Variants in KHDRBS2 observed in about 807,000 individuals in gnomAD.
KHDRBS2 encodes KH domain-containing, RNA-binding, signal transduction-associated protein 2.
In KHDRBS2, 26 loss-of-function variants were observed where a neutral mutation model predicts 44.3. The observed-to-expected ratio is 0.59, with a 90% CI of 0.43 to 0.81. KHDRBS2 has a LOEUF of 0.81. Ranked by LOEUF, KHDRBS2 falls within the 40% of genes least tolerant of loss-of-function variation. The pLI, the probability that KHDRBS2 is intolerant of heterozygous loss-of-function variation, is 0.00. For synonymous variants in KHDRBS2, 194 were observed against 151.1 expected (o/e 1.28, Z -2.08); for missense variants, 476 against 433.1 (o/e 1.10, Z -0.88).
At chr6:62,181,833 C>T (rs1222095555) in intron 1 of KHDRBS2, among the ~76,000 whole-genome samples, 11 of 151,758 alleles carry the variant, frequency 7.2e-5, no homozygotes, top group Non-Finnish European at 1.5e-4. Flanking sequence ...AGGGAGAGCC[C>T]CCAACACAAC....
intron 2 of KHDRBS2, among the ~76,000 whole-genome samples, chr6:62,160,087 A>G (rs1424852978): frequency 1.3e-5 from 2 of 152,184 alleles, no homozygotes; most frequent in Admixed American, 6.6e-5. Flanking sequence ...ATACACGAGT[A>G]ATCAAGAAAG....
intron 2 of KHDRBS2, among the ~76,000 whole-genome samples, chr6:62,066,281 T>C (rs901565312): frequency 6.6e-6 from 1 of 151,730 alleles, no homozygotes; most frequent in African/African-American, 2.4e-5. Flanking sequence ...AAATCATCTG[T>C]AGAGGTACCT....
chr6:61,967,262 TAAAAC>T (rs532384329), intron 4 of KHDRBS2, among the ~76,000 whole-genome samples: 33 of 134,708 alleles, frequency 2.4e-4, no homozygotes, highest in Admixed American at 1.5e-3. Flanking sequence ...TTAAAAGAAA[TAAAAC>T]AAAGTAAAAA....
chr6:62,164,528 G>A (rs886372120), intron 2 of KHDRBS2, among the ~76,000 whole-genome samples: 6 of 151,646 alleles, frequency 4.0e-5, no homozygotes, highest in Non-Finnish European at 8.9e-5. Flanking sequence ...GCAATAAAAA[G>A]GGAACCCCCT....
chr6:61,783,494 G>A (rs1352808103), intron 6 of KHDRBS2, among the ~76,000 whole-genome samples: 1 of 151,906 alleles, frequency 6.6e-6, no homozygotes, highest in Non-Finnish European at 1.5e-5. Flanking sequence ...ATTTACTGAA[G>A]AAAGAAAATA....
At chr6:61,786,121 T>G (rs1034310302) in intron 6 of KHDRBS2, among the ~76,000 whole-genome samples, 2 of 152,178 alleles carry the variant, frequency 1.3e-5, no homozygotes, top group South Asian at 4.1e-4. Context: ...GTTTGAAAAG[T>G]GTAAACAATG....
At chr6:61,575,353 A>G in the KHDRBS2 span, among the ~76,000 whole-genome samples, 1 of 152,238 alleles carries the variant, frequency 6.6e-6, no homozygotes, top group Non-Finnish European at 1.5e-5. Context: ...GCCAAGAAAC[A>G]TATGAAAAAA....
rs181487569 is a variant in KHDRBS2, at chr6:61,965,135, A to G, written c.483+12931T>C. Reference sequence around the variant, plus strand: ...GTAAAAATTAAAAGGGAAATGCTAAATTCCAGTGACAAGAGTCCAGAGAGT... The same window carrying G: ...GTAAAAATTAAAAGGGAAATGCTAAGTTCCAGTGACAAGAGTCCAGAGAGT... On this transcript the variant is annotated intron_variant, in intron 4 of 8. Coordinates refer to ENST00000281156, the MANE Select transcript of KHDRBS2 (RefSeq NM_152688.4). Among the ~76,000 whole-genome samples the G allele has an allele frequency of 2.2e-3, 339 of 152,158 alleles. 1 individual carries two copies. Among genetic ancestry groups the G allele is most frequent in the African/African-American group, 7.9e-3 (330 of 41,544 alleles).
chr6:61,684,451 T>C lies in KHDRBS2; in HGVS notation c.953-3391A>G, dbSNP rs545206864. ...AGTTGTAAAGACCCACGAATGAACT[T>C]AGAATTTATCTGTCCTCTTGGGTCT... On this transcript the variant is annotated intron_variant, in intron 8 of 8. Transcript: ENST00000281156. 3.3e-5 allele frequency among the ~76,000 whole-genome samples: 5 copies of C among 151,948 alleles called. No individual in the cohort carries two copies. In the South Asian group the frequency reaches 1.0e-3, roughly 31 times the overall value.
chr6:61,754,201 T>G (rs1294364461), intron 6 of KHDRBS2, among the ~76,000 whole-genome samples: 5 of 151,948 alleles, frequency 3.3e-5, no homozygotes, highest in Non-Finnish European at 7.4e-5. Flanking sequence ...ACAGCTGGAG[T>G]TCTCGGCAAG....
chr6:62,128,423 G>A (rs145993227), intron 2 of KHDRBS2, among the ~76,000 whole-genome samples: 3 of 151,990 alleles, frequency 2.0e-5, no homozygotes, highest in Non-Finnish European at 4.4e-5. Flanking sequence ...CATCATGTAA[G>A]CTTTTTCTCT....
At chr6:61,916,692 A>G (rs1807067599) in intron 4 of KHDRBS2, among the ~76,000 whole-genome samples, 1 of 151,934 alleles carries the variant, frequency 6.6e-6, no homozygotes, top group Non-Finnish European at 1.5e-5. Flanking sequence ...CAACAAGAAG[A>G]AAACAAACAA....
At chr6:61,888,788 C>T (rs1466890864) in intron 6 of KHDRBS2, among the ~76,000 whole-genome samples, 1 of 151,962 alleles carries the variant, frequency 6.6e-6, no homozygotes, top group Non-Finnish European at 1.5e-5. Flanking sequence ...GTCTCAATCT[C>T]CTGACTTCGT....
At chr6:62,024,464 A>G (rs1370239833) in intron 3 of KHDRBS2, among the ~76,000 whole-genome samples, 6 of 151,578 alleles carry the variant, frequency 4.0e-5, no homozygotes, top group South Asian at 4.1e-4. Flanking sequence ...TGAAAACCAT[A>G]AATTACTAAA....
intron 6 of KHDRBS2, among the ~76,000 whole-genome samples, chr6:61,845,460 C>T (rs542813017): frequency 3.3e-5 from 5 of 152,128 alleles, no homozygotes; most frequent in Admixed American, 1.3e-4. Context: ...CAGGTGCATG[C>T]CACTACGCCC....
chr6:62,085,814 C>A (rs1260436955), intron 2 of KHDRBS2, among the ~76,000 whole-genome samples: 1 of 151,924 alleles, frequency 6.6e-6, no homozygotes, highest in Admixed American at 6.6e-5. Flanking sequence ...GTTGAAAATT[C>A]ATGAAAAAGG....
chr6:61,935,094 C>A (rs1423091339), intron 4 of KHDRBS2, among the ~76,000 whole-genome samples: 1 of 152,068 alleles, frequency 6.6e-6, no homozygotes, highest in Non-Finnish European at 1.5e-5. Context: ...TGTATGAACC[C>A]TCTTTCTATT....
chr6:61,587,830 C>A, the KHDRBS2 span, among the ~76,000 whole-genome samples: 4 of 152,142 alleles, frequency 2.6e-5, no homozygotes, highest in Non-Finnish European at 5.9e-5. Context: ...GCATACACAT[C>A]ATTTCAAATG....
chr6:62,001,084 C>T (rs991938024), intron 3 of KHDRBS2, among the ~76,000 whole-genome samples: 5 of 152,104 alleles, frequency 3.3e-5, no homozygotes, highest in African/African-American at 1.2e-4. Flanking sequence ...CTCATTCAGA[C>T]ATTATTGGAA....
Sources: allele counts gnomAD v4.1 joint callset (sites outside exome capture counted in the v4.1 genomes callset), GRCh38; gene constraint gnomAD v4.1.1; transcripts MANE v1.5; gene names NCBI Gene and HGNC (gene_info 2026-07-23, HGNC 2026-07-21).